PCDH15: variants seen among roughly 807,000 people sequenced by gnomAD.
The protein encoded by PCDH15 is protocadherin-15.
PCDH15 carries 129 observed loss-of-function variants against 178.5 expected under a neutral mutation model. The observed-to-expected ratio is 0.72, with a 90% CI of 0.63 to 0.84. The LOEUF (loss-of-function observed/expected upper bound fraction) is 0.84. Ranked by LOEUF, PCDH15 falls within the 40% of genes least tolerant of loss-of-function variation. The probability of loss-of-function intolerance (pLI) is 0.00; values close to 1 mark genes in which losing one functional copy is unlikely to be tolerated. For synonymous variants in PCDH15, 800 were observed against 732.0 expected, an observed-to-expected ratio of 1.09 and a Z score of -1.50; for missense variants, 2,230 against 2,099.9, an observed-to-expected ratio of 1.06 and a Z score of -1.21.
intron 3 of PCDH15, among the ~76,000 whole-genome samples, chr10:54,871,147 T>C (rs767818609): frequency 3.9e-5 from 6 of 152,174 alleles, no homozygotes; most frequent in African/African-American, 7.2e-5. Flanking sequence ...TAGGGATTCC[T>C]GAATTAAATC....
intron 26 of PCDH15, among the ~76,000 whole-genome samples, chr10:53,871,480 G>GTATA (rs1554838367): frequency 6.7e-6 from 1 of 150,128 alleles, no homozygotes; most frequent in African/African-American, 2.5e-5. Context: ...GTGTGTGTGT[G>GTATA]TATATACACA....
intron 9 of PCDH15, among the ~76,000 whole-genome samples, chr10:54,231,002 C>T (rs2134307204): frequency 6.6e-6 from 1 of 152,280 alleles, no homozygotes; most frequent in Non-Finnish European, 1.5e-5. Context: ...AGCTTGATAG[C>T]TGTTAACATT....
In PCDH15 at chr10:54,516,529, G is replaced by A. The variant is rs977979184; in HGVS notation, c.157+11283C>T. Reference sequence around the variant, plus strand: ...TAGAGAAAAAAGAATAAAAAGAAACGAACAAAGCCTCCAAGAAATATGGGA... The same window carrying A: ...TAGAGAAAAAAGAATAAAAAGAAACAAACAAAGCCTCCAAGAAATATGGGA... On this transcript the variant is annotated intron_variant, in intron 3 of 37. Coordinates refer to ENST00000644397, the MANE Select transcript of PCDH15 (RefSeq NM_001384140.1). Among the ~76,000 whole-genome samples the A allele has an allele frequency of 1.1e-4, 16 of 152,074 alleles. No homozygotes were observed. In the East Asian group the frequency reaches 2.7e-3, roughly 26 times the overall value.
At chr10:54,694,266 T>C (rs1044180582) in intron 1 of PCDH15, among the ~76,000 whole-genome samples, 3 of 152,156 alleles carry the variant, frequency 2.0e-5, no homozygotes, top group Non-Finnish European at 4.4e-5. Context: ...CATGATCAAA[T>C]AAATGTTCAG....
chr10:55,087,840 AGTG>A (rs999998146), intron 2 of PCDH15, among the ~76,000 whole-genome samples: 32 of 152,178 alleles, frequency 2.1e-4, no homozygotes, highest in Non-Finnish European at 4.3e-4. Context: ...ACAAATTCAT[AGTG>A]TAATTCTACA....
At position 55,302,991 on chromosome 10, in the gene PCDH15, A is replaced by G. The variant is rs901719207; in HGVS notation, c.-156+16608T>C. Among the ~76,000 whole-genome samples the G allele has an allele frequency of 8.5e-5, 13 of 152,142 alleles. 1 individual carries two copies. Among genetic ancestry groups the G allele is most frequent in the African/African-American group, 2.9e-4 (12 of 41,442 alleles). ...AATATCCTGTAACTAAAATACTACA[A>G]CACAAAGTTAACATTACTTAAATGC... On this transcript the variant is annotated intron_variant, in intron 1 of 5. Coordinates refer to the PCDH15 transcript ENST00000458638.
At chr10:54,328,465 A>G (rs903981207) in intron 7 of PCDH15, among the ~76,000 whole-genome samples, 4 of 152,012 alleles carry the variant, frequency 2.6e-5, no homozygotes, top group African/African-American at 9.7e-5. Flanking sequence ...CAGTGTGCCC[A>G]GTCTCAGGAT....
chr10:53,952,294 A>G (rs927054747), intron 23 of PCDH15, among the ~76,000 whole-genome samples: 6 of 152,148 alleles, frequency 3.9e-5, no homozygotes, highest in African/African-American at 1.4e-4. Flanking sequence ...AAGGGTGAGC[A>G]AGGCAAAGAG....
intron 2 of PCDH15, among the ~76,000 whole-genome samples, chr10:54,602,381 G>C (rs541036396): frequency 6.6e-6 from 1 of 151,880 alleles, no homozygotes; most frequent in East Asian, 1.9e-4. Flanking sequence ...TAGCATTTTT[G>C]GTTGTCATTG....
chr10:54,748,484 A>C (rs1276953536), intron 1 of PCDH15, among the ~76,000 whole-genome samples: 3 of 152,120 alleles, frequency 2.0e-5, no homozygotes, highest in Non-Finnish European at 4.4e-5. Flanking sequence ...GATTTTTTTG[A>C]AAAAGCTCAG....
intron 2 of PCDH15, among the ~76,000 whole-genome samples, chr10:55,626,588 C>T (rs1250953296): frequency 6.6e-6 from 1 of 152,138 alleles, no homozygotes; most frequent in African/African-American, 2.4e-5. Flanking sequence ...CCTATGAATC[C>T]ATATGCTTGC....
At chr10:55,449,709 C>G (rs1011026945) in intron 2 of PCDH15, among the ~76,000 whole-genome samples, 1 of 152,202 alleles carries the variant, frequency 6.6e-6, no homozygotes, top group Non-Finnish European at 1.5e-5. Context: ...ACTATCACTA[C>G]AAATTTTAAT....
At chr10:53,862,208 C>T (rs1383845145) in intron 27 of PCDH15, among the ~76,000 whole-genome samples, 2 of 152,026 alleles carry the variant, frequency 1.3e-5, no homozygotes, top group South Asian at 2.1e-4. Flanking sequence ...CCCATCACCA[C>T]ACCTGGCTAA....
chr10:53,984,154 T>C (rs1248105010), intron 21 of PCDH15, among the ~76,000 whole-genome samples: 1 of 114,444 alleles, frequency 8.7e-6, no homozygotes, highest in African/African-American at 2.9e-5. Context: ...TTTTCTTTTT[T>C]TTTTTTTTTT....
In PCDH15 at chr10:54,132,933, A is replaced by T. The variant is rs754028926; in HGVS notation, c.1859T>A (p.Met620Lys). 4.3e-6 allele frequency: 7 copies of T among 1,613,988 alleles called. No homozygotes were observed. The African/African-American group carries it at 9.3e-5, about 22-fold the overall frequency. Residue 620 changes from methionine (M) to lysine (K), a missense_variant, in exon 15 of 38, where the codon ATG becomes AAG. Physicochemically the swap from Met to Lys is moderately conservative, Grantham distance 95 (BLOSUM62 -1). Coordinates refer to ENST00000644397, the MANE Select transcript of PCDH15 (RefSeq NM_001384140.1). ...NQSPPRFPQL[M>K]YSLEISEAMR... ...GGCTTCACTAATTTCAAGGCTATAC[A>T]TCAGCTGTGGGAAGCGAGGAGGGCT... is the stretch of plus-strand genomic sequence containing the variant.
chr10:54,836,491 T>C (rs928431202), intron 3 of PCDH15, among the ~76,000 whole-genome samples: 2 of 152,132 alleles, frequency 1.3e-5, no homozygotes, highest in African/African-American at 4.8e-5. Flanking sequence ...CACCCTATAC[T>C]GCAATTGTTA....
chr10:54,183,220 C>T (rs1034153047), intron 13 of PCDH15, among the ~76,000 whole-genome samples: 1 of 152,212 alleles, frequency 6.6e-6, no homozygotes, highest in African/African-American at 2.4e-5. Context: ...ATCCACTTGC[C>T]TTGGCTTCCC....
intron 15 of PCDH15, among the ~76,000 whole-genome samples, chr10:54,120,241 A>G (rs1445323720): frequency 6.6e-6 from 1 of 152,210 alleles, no homozygotes; most frequent in Non-Finnish European, 1.5e-5. Flanking sequence ...ACCACTAGAA[A>G]GCCTTCAAAG....
intron 2 of PCDH15, among the ~76,000 whole-genome samples, chr10:55,527,397 A>G (rs1470190886): frequency 1.3e-5 from 2 of 152,042 alleles, no homozygotes; most frequent in Non-Finnish European, 2.9e-5. Context: ...TTCATATAGC[A>G]TTCTTCCTAT....
Sources: gnomAD v4.1 joint callset for allele counts (sites outside exome capture counted in the v4.1 genomes callset) on GRCh38, gnomAD v4.1.1 for gene constraint, MANE v1.5 for transcripts, NCBI Gene and HGNC (gene_info 2026-07-23, HGNC 2026-07-21) for gene names.